Variants in SPIN3 observed in about 807,000 individuals in gnomAD.
The protein encoded by SPIN3 is spindlin family member 3, also known as spindlin-3.
For missense variants in SPIN3, 176 were observed against 196.4 expected (o/e 0.90, Z 0.62); for synonymous variants, 74 against 74.3 (o/e 1.00, Z 0.02).
intron 2 of SPIN3, chrX:56,984,610 A>T (rs1368045523): frequency 3.4e-6 from 1 of 291,024 alleles, no homozygotes; most frequent in African/African-American, 2.8e-5. Context: ...CACTTCGTTT[A>T]CCTCCTACCT....
intron 3 of SPIN3, among the ~76,000 whole-genome samples, chrX:56,981,360 C>CA (rs34960496): frequency 0.059 from 2,275 of 38,869 alleles, 29 homozygotes; most frequent in Middle Eastern, 0.091. Context: ...GACTCCATCT[C>CA]AAAAAAAAAA....
chrX:56,992,693 G>T lies in SPIN3; in HGVS notation c.*1478C>A. ...CCTTATTAGGCTGTTACTGCTAATG[G>T]AGCTTCTGTGAGAACCTCAATGAGA... On this transcript the variant is annotated 3_prime_UTR_variant, in exon 2 of 2. Coordinates refer to ENST00000374919, the MANE Select transcript of SPIN3 (RefSeq NM_001010862.3). The T allele has an allele frequency of 3.4e-6, 1 of 291,894 alleles. No homozygotes were observed. Among genetic ancestry groups the T allele is most frequent in the South Asian group, 2.3e-4 (1 of 4,405 alleles). 24.1% of individuals were successfully genotyped at this position (291,894 alleles called of 1,213,427 possible). A position where few individuals can be genotyped will look rare whatever the true frequency, so the allele number is the denominator to read the frequency against.
chrX:56,982,175 T>C (rs189399619), intron 3 of SPIN3: 9 of 111,360 alleles, frequency 8.1e-5, no homozygotes, highest in African/African-American at 2.9e-4. Context: ...ATGATGGAAT[T>C]CTCAGGGCCA....
chrX:56,994,047 A>AT lies in SPIN3; in HGVS notation c.*123dup, dbSNP rs1924419404. On this transcript the variant is annotated 3_prime_UTR_variant, in exon 2 of 2. Transcript: ENST00000374919. Reference sequence around the variant, plus strand: ...AACGTATGAGAGGGCAGAAGTTCCAATTTTTTTGCCAAGCAAAACGTGCAA... The same window carrying AT: ...AACGTATGAGAGGGCAGAAGTTCCAATTTTTTTTGCCAAGCAAAACGTGCAA... 1 of 775,475 alleles carries AT rather than the reference A, an allele frequency of 1.3e-6. No homozygotes were observed. The allele number at this position is 775,475 out of a possible 1,213,427, so 63.9% of individuals were successfully genotyped here. A position where few individuals can be genotyped will look rare whatever the true frequency, so the allele number is the denominator to read the frequency against.
chrX:56,992,354 C>T lies in SPIN3; in HGVS notation c.*1817G>A. ...ATTAGAAAGCACACTAGTCCCCAGCCACTAGAACAGTTTTTTTAAGCAAAT... is the reference window on the plus strand; with the variant it reads ...ATTAGAAAGCACACTAGTCCCCAGCTACTAGAACAGTTTTTTTAAGCAAAT... On this transcript the variant is annotated 3_prime_UTR_variant, in exon 2 of 2. Coordinates refer to ENST00000374919, the MANE Select transcript of SPIN3 (RefSeq NM_001010862.3). The T allele has an allele frequency of 3.4e-6, 1 of 297,057 alleles. No individual in the cohort carries two copies. Among genetic ancestry groups the T allele is most frequent in the Non-Finnish European group, 5.9e-6 (1 of 170,293 alleles). 24.5% of individuals were successfully genotyped at this position (297,057 alleles called of 1,213,427 possible).
At chrX:56,989,949 C>T (rs1310950496), downstream of SPIN3, among the ~76,000 whole-genome samples, 1 of 110,177 alleles carries the variant, frequency 9.1e-6, no homozygotes, top group Non-Finnish European at 1.9e-5. Flanking sequence ...GAATCATCCC[C>T]AAACCACCCC....
At chrX:56,990,606 G>A (rs1435067630), downstream of SPIN3, among the ~76,000 whole-genome samples, 1 of 111,775 alleles carries the variant, frequency 8.9e-6, no homozygotes, top group Non-Finnish European at 1.9e-5. Flanking sequence ...ACTTCCCTCA[G>A]TAAAAATATA....
chrX:56,987,640 A>T (rs1364982413), downstream of SPIN3, among the ~76,000 whole-genome samples: 3 of 112,009 alleles, frequency 2.7e-5, no homozygotes, highest in East Asian at 8.4e-4. Context: ...TCCATCAAAA[A>T]GTAGCTGAAT....
downstream of SPIN3, among the ~76,000 whole-genome samples, chrX:56,989,508 G>A (rs1924286743): frequency 9.0e-6 from 1 of 111,360 alleles, no homozygotes; most frequent in African/African-American, 3.3e-5. Context: ...CTAGTGCAGG[G>A]GTCCCCAACC....
chrX:56,981,348 G>A (rs1924115080), intron 3 of SPIN3, among the ~76,000 whole-genome samples: 2 of 97,726 alleles, frequency 2.0e-5, no homozygotes, highest in African/African-American at 3.8e-5. Flanking sequence ...GAGACAGAGT[G>A]AGACTCCATC....
At position 56,994,440 on chromosome X, in the gene SPIN3, G is replaced by A. The variant is rs1602743744; in HGVS notation, c.508C>T (p.Pro170Ser). ...AAGAGCTGGTACATATATAATACAG[G>A]ATCTTTCTCATAGGTAATGTAAAAC... ...TWFYITYEKD[P>S]VLYMYQLLDD... is the part of the protein sequence containing the mutation. The change falls in exon 2 of 2, where the codon CCT becomes TCT. Residue 170 changes from proline (P) to serine (S), a missense_variant. Coordinates refer to ENST00000374919, the MANE Select transcript of SPIN3 (RefSeq NM_001010862.3). 8.3e-7 allele frequency: 1 copy of A among 1,211,455 alleles called. No homozygotes were observed.
exon 5 of SPIN3, chrX:56,978,335 G>A (rs1022127888): frequency 5.4e-5 from 6 of 111,750 alleles, no homozygotes; most frequent in African/African-American, 2.0e-4. Flanking sequence ...AGTATCTGGA[G>A]CTGGTGAAAA....
chrX:56,984,486 G>GAA, intron 2 of SPIN3: 1 of 300,017 alleles, frequency 3.3e-6, no homozygotes, highest in Admixed American at 3.7e-5. Flanking sequence ...GAGCTGAAAA[G>GAA]CAAAAAAAAA....
intron 3 of SPIN3, chrX:56,982,000 C>T (rs1924129457): frequency 9.0e-6 from 1 of 111,642 alleles, no homozygotes; most frequent in Non-Finnish European, 1.9e-5. Flanking sequence ...GCTGCTTCCC[C>T]GAGTTTGTTC....
downstream of SPIN3, among the ~76,000 whole-genome samples, chrX:56,990,613 T>C (rs1371325235): frequency 1.8e-5 from 2 of 112,042 alleles, no homozygotes; most frequent in Non-Finnish European, 3.8e-5. Flanking sequence ...TCAGTAAAAA[T>C]ATACTGGCCT....
chrX:56,989,039 G>C (rs1189916658), downstream of SPIN3, among the ~76,000 whole-genome samples: 1 of 111,733 alleles, frequency 8.9e-6, no homozygotes, highest in African/African-American at 3.3e-5. Flanking sequence ...TGTCTAACAG[G>C]TTATGATATA....
chrX:56,994,472 T>C lies in SPIN3; in HGVS notation c.476A>G (p.Asn159Ser), dbSNP rs764158299. The change falls in exon 2 of 2, where the codon AAC becomes AGC. Residue 159 changes from asparagine to serine, a missense_variant. By Grantham distance (46) the Asn-to-Ser change is conservative. Coordinates refer to ENST00000374919, the MANE Select transcript of SPIN3 (RefSeq NM_001010862.3). ...CTCATAGGTAATGTAAAACCATGTG[T>C]TCATGACAGGTGCCTGAGCTAAGAC... The part of the protein sequence containing the change: ...GMVLAQAPVM[N>S]TWFYITYEKD... 5.8e-6 allele frequency: 7 copies of C among 1,211,794 alleles called. No individual in the cohort carries two copies. The highest frequency in any genetic ancestry group is 4.5e-6 in the Non-Finnish European group (4 of 895,511).
chrX:56,982,391 A>C (rs752479499), intron 3 of SPIN3: 152 of 111,407 alleles, frequency 1.4e-3, no homozygotes, highest in African/African-American at 4.7e-3. Context: ...TTGTGAGAAA[A>C]GGGAGGGAAA....
At position 56,993,989 on chromosome X, in the gene SPIN3, G is replaced by C; in HGVS notation, c.*182C>G. The C allele has an allele frequency of 9.4e-6, 4 of 427,441 alleles. No individual in the cohort carries two copies. The highest frequency in any genetic ancestry group is 7.9e-6 in the Non-Finnish European group (2 of 254,465). 35.2% of individuals were successfully genotyped at this position (427,441 alleles called of 1,213,427 possible). ...AATTGCGGAGAGGAACCAGTGAAAA[G>C]GTTGGACAGATGGGCAAAAGGTTTC... On this transcript the variant is annotated 3_prime_UTR_variant, in exon 2 of 2. Coordinates refer to ENST00000374919, the MANE Select transcript of SPIN3 (RefSeq NM_001010862.3).
Sources: allele counts gnomAD v4.1 joint callset (sites outside exome capture counted in the v4.1 genomes callset), GRCh38; gene constraint gnomAD v4.1.1; transcripts MANE v1.5; gene names NCBI Gene and HGNC (gene_info 2026-07-23, HGNC 2026-07-21).